Variants in FRY observed in about 807,000 individuals in gnomAD.
FRY encodes the protein FRY microtubule binding protein, also known as protein furry homolog.
Under a neutral mutation model 348.4 loss-of-function variants are expected in FRY, and 128 were observed. The ratio of observed to expected loss-of-function variants is 0.37; its 90% CI spans 0.32 to 0.43. The LOEUF (loss-of-function observed/expected upper bound fraction) is 0.43, where lower values mean the gene tolerates loss of function less well. Among genes scored for constraint, FRY ranks in the 20% least tolerant of loss-of-function variants. FRY has a pLI of 1.00. For synonymous variants in FRY, 1,370 were observed against 1,374.7 expected, an observed-to-expected ratio of 1.00 and a Z score of 0.08; for missense variants, 2,736 against 3,695.2, an observed-to-expected ratio of 0.74 and a Z score of 6.73.
At chr13:32,123,712 A>G (rs1878831551) in intron 4 of FRY, among the ~76,000 whole-genome samples, 1 of 152,350 alleles carries the variant, frequency 6.6e-6, no homozygotes, top group Non-Finnish European at 1.5e-5. Context: ...TGATAGACGC[A>G]CAAATAACTA....
At chr13:32,289,587 G>A (rs761455498) in intron 58 of FRY, 46 bp from the exon 59 acceptor site, 2 of 1,151,808 alleles carry the variant, frequency 1.7e-6, no homozygotes, top group Admixed American at 3.4e-5. Flanking sequence ...ATATGTGAAT[G>A]ATCTTTAACA....
At chr13:32,258,258 T>G (rs546602798) in intron 51 of FRY, among the ~76,000 whole-genome samples, 13 of 152,334 alleles carry the variant, frequency 8.5e-5, no homozygotes, top group African/African-American at 2.9e-4. Context: ...TCTATGGCAA[T>G]CCTATCATTT....
intron 28 of FRY, among the ~76,000 whole-genome samples, chr13:32,190,463 G>C (rs1883274544): frequency 6.6e-6 from 1 of 152,088 alleles, no homozygotes; most frequent in African/African-American, 2.4e-5. Flanking sequence ...ATTTAGCCTG[G>C]TTGCCATATG....
rs185660812 is a variant in FRY at position 32,186,213 on chromosome 13, T to C, written c.3320-47T>C. ...GTAAGAAATATATATAATAGCGATATACAGTATGTCCAGTCTTATAACCTC... is the reference window on the plus strand; with the variant it reads ...GTAAGAAATATATATAATAGCGATACACAGTATGTCCAGTCTTATAACCTC... On this transcript the variant is annotated intron_variant, in intron 26 of 60. Coordinates refer to ENST00000542859, the MANE Select transcript of FRY (RefSeq NM_023037.3). The C allele has an allele frequency of 2.9e-5, 39 of 1,334,820 alleles. 1 individual carries two copies. The highest frequency in any genetic ancestry group is 4.1e-5 in the Non-Finnish European group (38 of 925,102). 82.7% of individuals were successfully genotyped at this position (1,334,820 alleles called of 1,614,324 possible).
At chr13:32,068,298 C>G (rs1874384710) in intron 1 of FRY, among the ~76,000 whole-genome samples, 1 of 152,060 alleles carries the variant, frequency 6.6e-6, no homozygotes, top group African/African-American at 2.4e-5. Context: ...GAAGAGCCAG[C>G]AAAGGACACC....
intron 1 of FRY, among the ~76,000 whole-genome samples, chr13:32,059,227 A>G: frequency 6.6e-6 from 1 of 152,052 alleles, no homozygotes; most frequent in South Asian, 2.1e-4. Context: ...TTTTAGTTGA[A>G]TGACAGTCAC....
At chr13:32,095,534 G>A (rs141356617) in intron 2 of FRY, among the ~76,000 whole-genome samples, 5 of 151,904 alleles carry the variant, frequency 3.3e-5, no homozygotes, top group East Asian at 3.9e-4. Context: ...TGGTAGAGAC[G>A]GGATTTCACC....
At chr13:32,053,052 G>T (rs964713979) in intron 1 of FRY, among the ~76,000 whole-genome samples, 2 of 151,788 alleles carry the variant, frequency 1.3e-5, no homozygotes, top group African/African-American at 4.8e-5. Context: ...GGCGGAGGTC[G>T]CAATGAGCTG....
chr13:32,162,461 G>A (rs957805196), intron 17 of FRY, among the ~76,000 whole-genome samples: 2 of 152,118 alleles, frequency 1.3e-5, no homozygotes, highest in Admixed American at 6.5e-5. Flanking sequence ...CCTGGTTATT[G>A]TGGTCATGGT....
chr13:32,250,049 T>C (rs1443080063), intron 49 of FRY, among the ~76,000 whole-genome samples: 1 of 152,182 alleles, frequency 6.6e-6, no homozygotes, highest in East Asian at 1.9e-4. Context: ...TCTATAGCAC[T>C]TGGACTCCCA....
In FRY at chr13:32,171,355, A is replaced by G. The variant is rs1400408644; in HGVS notation, c.2151+85A>G. ...TTGAGACAGTCTTACTCTGTTGCCC[A>G]GGCTGGAGTGCAGTGGCGCGATCTT... is the stretch of plus-strand genomic sequence containing the variant. On this transcript the variant is annotated intron_variant, in intron 18 of 60. Transcript: ENST00000542859. The G allele has an allele frequency of 1.2e-5, 15 of 1,209,512 alleles. No homozygotes were observed. The South Asian group carries it at 2.1e-4, about 17-fold the overall frequency. 74.9% of individuals were successfully genotyped at this position (1,209,512 alleles called of 1,614,324 possible). A position where few individuals can be genotyped will look rare whatever the true frequency, so the allele number is the denominator to read the frequency against.
intron 47 of FRY, among the ~76,000 whole-genome samples, chr13:32,246,010 C>T (rs1416144915): frequency 2.0e-5 from 3 of 152,188 alleles, no homozygotes; most frequent in Admixed American, 2.0e-4. Context: ...GTTGCTGCAT[C>T]ATACTTACAC....
intron 1 of FRY, chr13:32,060,862 A>G (rs923104045): frequency 6.4e-6 from 2 of 313,766 alleles, no homozygotes; most frequent in Non-Finnish European, 1.3e-5. Flanking sequence ...AAATTGTCCC[A>G]TTGGTATGAA....
chr13:32,219,092 C>CT (rs35364945), intron 36 of FRY, among the ~76,000 whole-genome samples: 78,321 of 137,870 alleles, frequency 0.57, 22,734 homozygotes, highest in African/African-American at 0.67. Context: ...TATATATATA[C>CT]TTTTTTTTTT....
In FRY at chr13:32,294,532, C is replaced by T. The variant is rs373431005; in HGVS notation, c.8745C>T (p.Asn2915=). 173 of 1,614,114 alleles carry T rather than the reference C, an allele frequency of 1.1e-4. No individual in the cohort carries two copies. Among genetic ancestry groups the T allele is most frequent in the Non-Finnish European group, 1.4e-4 (169 of 1,179,982 alleles). Residue 2915 remains asparagine, a synonymous_variant, in exon 60 of 61, where the codon AAC becomes AAT. Transcript: ENST00000542859. Reference sequence around the variant, plus strand: ...CCATGCTGGAGTGCCTGAAGAACAACGAACTCGGCAAAGCTTTGCGGCAGA... The same window carrying T: ...CCATGCTGGAGTGCCTGAAGAACAATGAACTCGGCAAAGCTTTGCGGCAGA... ...IQSMLECLKN[N]ELGKALRQIR... is the part of the protein sequence containing the mutation.
At chr13:32,202,124 A>G in intron 30 of FRY, 84 bp downstream of exon 30, 1 of 888,538 alleles carries the variant, frequency 1.1e-6, no homozygotes, top group Non-Finnish European at 1.9e-6. Context: ...ATAGCTGTTT[A>G]TTGATAGGCC....
intron 13 of FRY, among the ~76,000 whole-genome samples, chr13:32,149,537 C>A (rs1181166979): frequency 6.6e-6 from 1 of 151,972 alleles, no homozygotes; most frequent in East Asian, 1.9e-4. Flanking sequence ...TAATGAAGGC[C>A]TCCTTGCACA....
intron 2 of FRY, among the ~76,000 whole-genome samples, chr13:32,080,790 A>C (rs892932533): frequency 6.6e-6 from 1 of 152,166 alleles, no homozygotes; most frequent in African/African-American, 2.4e-5. Flanking sequence ...GGTGAGGCAC[A>C]ATAAAGATTC....
intron 37 of FRY, 116 bp from the exon 38 acceptor site, chr13:32,224,817 A>G: frequency 1.4e-6 from 1 of 732,174 alleles, no homozygotes; most frequent in Non-Finnish European, 2.5e-6. Context: ...CCCGAATAAG[A>G]GCCTTATATA....
Sources: gnomAD v4.1 joint callset for allele counts (sites outside exome capture counted in the v4.1 genomes callset) on GRCh38, gnomAD v4.1.1 for gene constraint, MANE v1.5 for transcripts, NCBI Gene and HGNC (gene_info 2026-07-23, HGNC 2026-07-21) for gene names.